NRG1: variants seen among roughly 807,000 people sequenced by gnomAD.
NRG1 encodes the protein neuregulin 1, also known as pro-neuregulin-1, membrane-bound isoform.
In NRG1, 18 loss-of-function variants were observed where a neutral mutation model predicts 63.8. That is an observed-to-expected ratio of 0.28 (90% CI 0.19 to 0.42). NRG1 has a LOEUF of 0.42. NRG1 is among the 10% of genes least tolerant of loss of function. NRG1 has a pLI of 1.00. For missense variants in NRG1, 762 were observed against 814.7 expected, an observed-to-expected ratio of 0.94 and a Z score of 0.79; for synonymous variants, 302 against 301.3, an observed-to-expected ratio of 1.00 and a Z score of -0.02.
intron 1 of NRG1, among the ~76,000 whole-genome samples, chr8:32,578,437 C>T (rs1400602489): frequency 2.6e-5 from 4 of 151,674 alleles, no homozygotes; most frequent in Non-Finnish European, 5.9e-5. Context: ...TTAACACACG[C>T]TGGCAGAACC....
chr8:32,730,900 G>T (rs1823491923), intron 6 of NRG1, among the ~76,000 whole-genome samples: 1 of 151,952 alleles, frequency 6.6e-6, no homozygotes, highest in Non-Finnish European at 1.5e-5. Context: ...TAAATTATAG[G>T]TCCTTAAATT....
chr8:31,731,601 A>G (rs1029884026), intron 1 of NRG1, among the ~76,000 whole-genome samples: 3 of 152,156 alleles, frequency 2.0e-5, no homozygotes, highest in East Asian at 1.9e-4. Context: ...ATTTTTAGCC[A>G]TAAGTATATA....
intron 1 of NRG1, among the ~76,000 whole-genome samples, chr8:32,184,082 ATATATG>A (rs1841717032): frequency 1.5e-5 from 1 of 67,740 alleles, no homozygotes; most frequent in Non-Finnish European, 2.8e-5. Flanking sequence ...ACACAGTACT[ATATATG>A]TATGTGTGTG....
chr8:32,597,711 A>T (rs1171594362), intron 2 of NRG1, among the ~76,000 whole-genome samples: 1 of 152,248 alleles, frequency 6.6e-6, no homozygotes, highest in Non-Finnish European at 1.5e-5. Flanking sequence ...AGCTGAGTTT[A>T]TCATTGTTAT....
intron 1 of NRG1, among the ~76,000 whole-genome samples, chr8:32,185,176 A>G (rs1841847045): frequency 6.6e-6 from 1 of 152,358 alleles, no homozygotes; most frequent in South Asian, 2.1e-4. Flanking sequence ...ACACACAAAT[A>G]TGCATGCACA....
At chr8:32,722,713 T>C (rs1820957395) in intron 5 of NRG1, among the ~76,000 whole-genome samples, 1 of 152,200 alleles carries the variant, frequency 6.6e-6, no homozygotes, top group African/African-American at 2.4e-5. Flanking sequence ...AGTTTAATTC[T>C]TGTAATTTGG....
At chr8:32,442,159 C>T (rs139025883) in intron 1 of NRG1, among the ~76,000 whole-genome samples, 1,909 of 152,262 alleles carry the variant, frequency 0.013, 36 homozygotes, top group African/African-American at 0.044. Context: ...TCTGGGAGAA[C>T]ACACAGCTGC....
chr8:32,169,582 T>C (rs988654991), intron 1 of NRG1, among the ~76,000 whole-genome samples: 1 of 152,184 alleles, frequency 6.6e-6, no homozygotes, highest in Non-Finnish European at 1.5e-5. Context: ...AATTGAAGGA[T>C]CGGTTGTGGT....
intron 1 of NRG1, among the ~76,000 whole-genome samples, chr8:32,295,351 A>G (rs546287724): frequency 8.5e-5 from 13 of 152,284 alleles, no homozygotes; most frequent in African/African-American, 2.9e-4. Flanking sequence ...AATTTGGGGT[A>G]CTGGCAGAGT....
At chr8:32,404,342 C>G (rs1182167091) in intron 1 of NRG1, among the ~76,000 whole-genome samples, 2 of 152,240 alleles carry the variant, frequency 1.3e-5, no homozygotes, top group South Asian at 2.1e-4. Context: ...ATTTTATATA[C>G]CTCTCTTCAA....
intron 1 of NRG1, among the ~76,000 whole-genome samples, chr8:32,415,792 C>A (rs1156624336): frequency 1.3e-5 from 2 of 152,134 alleles, no homozygotes; most frequent in Admixed American, 6.5e-5. Flanking sequence ...TACATCACAA[C>A]CTGTGGTTTT....
At chr8:32,215,487 CT>C (rs1372670651) in intron 1 of NRG1, among the ~76,000 whole-genome samples, 1 of 152,142 alleles carries the variant, frequency 6.6e-6, no homozygotes, top group East Asian at 1.9e-4. Flanking sequence ...ACACTACATG[CT>C]TTACATACTT....
At chr8:31,724,530 C>T (rs1379514013) in intron 1 of NRG1, among the ~76,000 whole-genome samples, 1 of 152,094 alleles carries the variant, frequency 6.6e-6, no homozygotes, top group African/African-American at 2.4e-5. Context: ...TGCTCCTTCA[C>T]AAACTAAAAT....
chr8:32,261,948 A>G (rs1371958009), intron 1 of NRG1, among the ~76,000 whole-genome samples: 2 of 152,152 alleles, frequency 1.3e-5, no homozygotes, highest in Non-Finnish European at 2.9e-5. Context: ...ACTTGCATAC[A>G]CTGTCCTCAG....
chr8:32,306,511 T>C (rs1261271405), intron 1 of NRG1, among the ~76,000 whole-genome samples: 4 of 152,218 alleles, frequency 2.6e-5, no homozygotes, highest in African/African-American at 9.6e-5. Context: ...TTGAAATTAA[T>C]GGACTCAGGG....
intron 1 of NRG1, among the ~76,000 whole-genome samples, chr8:31,796,137 G>A (rs1011070443): frequency 3.9e-5 from 6 of 152,252 alleles, no homozygotes; most frequent in African/African-American, 1.2e-4. Flanking sequence ...GCCTTAAAGA[G>A]TCTAGAATTG....
intron 1 of NRG1, among the ~76,000 whole-genome samples, chr8:32,460,996 A>C (rs1018345285): frequency 2.0e-4 from 31 of 152,200 alleles, no homozygotes; most frequent in African/African-American, 6.8e-4. Context: ...ATATATGTAT[A>C]AAATTATGTG....
At chr8:31,937,229 T>A (rs1801045504) in intron 1 of NRG1, among the ~76,000 whole-genome samples, 1 of 152,156 alleles carries the variant, frequency 6.6e-6, no homozygotes, top group Non-Finnish European at 1.5e-5. Flanking sequence ...AAAATGGGCT[T>A]GAATAAAAAC....
chr8:32,314,755 G>A (rs567938612), intron 1 of NRG1, among the ~76,000 whole-genome samples: 1 of 152,186 alleles, frequency 6.6e-6, no homozygotes, highest in African/African-American at 2.4e-5. Context: ...CCAAGAGGAA[G>A]CCCCCAGATG....
Sources: allele counts gnomAD v4.1 joint callset (sites outside exome capture counted in the v4.1 genomes callset), GRCh38; gene constraint gnomAD v4.1.1; transcripts MANE v1.5; gene names NCBI Gene and HGNC (gene_info 2026-07-23, HGNC 2026-07-21).